Variants in DIAPH2 observed in about 807,000 individuals in gnomAD.
The protein encoded by DIAPH2 is protein diaphanous homolog 2.
Under a neutral mutation model 92.7 loss-of-function variants are expected in DIAPH2, and 35 were observed. That is an observed-to-expected ratio of 0.38 (90% confidence interval 0.29 to 0.50). DIAPH2 has a LOEUF of 0.50. DIAPH2 is among the 20% of genes least tolerant of loss of function. The pLI is 0.94. For missense variants in DIAPH2, 701 were observed against 819.5 expected (o/e 0.86, Z 1.77); for synonymous variants, 301 against 280.4 (o/e 1.07, Z -0.73).
intron 4 of DIAPH2, among the ~76,000 whole-genome samples, chrX:96,836,314 G>A (rs897485915): frequency 5.5e-5 from 6 of 109,461 alleles, no homozygotes; most frequent in African/African-American, 2.0e-4. Context: ...ATAATCTAAT[G>A]ATTTAGAGAA....
At chrX:97,197,400 T>A (rs1439046290) in intron 22 of DIAPH2, among the ~76,000 whole-genome samples, 1 of 112,100 alleles carries the variant, frequency 8.9e-6, no homozygotes, top group East Asian at 2.8e-4. Flanking sequence ...AATTATGTGC[T>A]TACATTTTCT....
intron 21 of DIAPH2, among the ~76,000 whole-genome samples, chrX:97,141,039 A>G (rs889673414): frequency 9.0e-6 from 1 of 111,341 alleles, no homozygotes; most frequent in Non-Finnish European, 1.9e-5. Flanking sequence ...AAAGATTTTT[A>G]CCATTCTAAC....
At chrX:97,285,383 CA>C (rs11336007) in intron 23 of DIAPH2, among the ~76,000 whole-genome samples, 932 of 38,069 alleles carry the variant, frequency 0.024, 9 homozygotes, top group African/African-American at 0.093. Flanking sequence ...ACTAAAAATA[CA>C]AAAAAAAAAA....
At chrX:96,761,878 C>G (rs1032184875) in intron 4 of DIAPH2, among the ~76,000 whole-genome samples, 13 of 111,038 alleles carry the variant, frequency 1.2e-4, no homozygotes, top group African/African-American at 4.2e-4. Context: ...GGCTTTTATT[C>G]AACTAAATAA....
At chrX:97,040,729 G>GTAA (rs971313783) in intron 17 of DIAPH2, among the ~76,000 whole-genome samples, 2 of 109,470 alleles carry the variant, frequency 1.8e-5, no homozygotes, top group Admixed American at 9.8e-5. Context: ...AAAAATAATA[G>GTAA]TAATAATAAT....
chrX:97,262,383 A>T (rs1418349826), intron 23 of DIAPH2, among the ~76,000 whole-genome samples: 1 of 111,837 alleles, frequency 8.9e-6, no homozygotes, highest in Non-Finnish European at 1.9e-5. Context: ...AGGAACAACT[A>T]GTGCAGAGGC....
chrX:97,110,492 C>T (rs886723885), intron 20 of DIAPH2, among the ~76,000 whole-genome samples: 1 of 111,220 alleles, frequency 9.0e-6, no homozygotes, highest in African/African-American at 3.3e-5. Flanking sequence ...GTTAGTAATC[C>T]AAGCTTGAAG....
At chrX:97,444,099 G>A (rs2070285923) in intron 26 of DIAPH2, among the ~76,000 whole-genome samples, 1 of 111,565 alleles carries the variant, frequency 9.0e-6, no homozygotes, top group Admixed American at 9.5e-5. Flanking sequence ...TCAGTTCTAC[G>A]TAATAGTATG....
chrX:97,408,871 A>G (rs1469956038), intron 25 of DIAPH2, among the ~76,000 whole-genome samples: 1 of 112,293 alleles, frequency 8.9e-6, no homozygotes, highest in East Asian at 2.8e-4. Flanking sequence ...GATAAAGACA[A>G]GTAGCCTAAC....
In DIAPH2 at chrX:96,912,517, C is replaced by T. The variant is rs754215989; in HGVS notation, c.697C>T (p.Leu233Phe). ...ENIDKKNQYK[L>F]IQCLKAFMNN... is the part of the protein sequence containing the mutation. ...TATTGACAAGAAGAATCAGTATAAA[C>T]TTATTCAATGCCTCAAAGCATTTAT... The change falls in exon 7 of 27, where the codon CTT (leucine) becomes TTT (phenylalanine). Residue 233 changes from leucine to phenylalanine, a missense_variant. By Grantham distance (22) the Leu-to-Phe change is conservative (BLOSUM62 0). This residue lies in a region of DIAPH2 where 34 missense variants were observed against 74.7 expected (regional missense o/e 0.46). Coordinates refer to ENST00000324765, the MANE Select transcript of DIAPH2 (RefSeq NM_006729.5). 1 of 1,196,326 alleles carries T rather than the reference C, an allele frequency of 8.4e-7. No homozygotes were observed. Among genetic ancestry groups the T allele is most frequent in the African/African-American group, 1.8e-5 (1 of 56,813 alleles).
intron 17 of DIAPH2, among the ~76,000 whole-genome samples, chrX:97,067,368 T>C (rs1315869001): frequency 8.9e-6 from 1 of 112,298 alleles, no homozygotes; most frequent in Non-Finnish European, 1.9e-5. Flanking sequence ...GTGAGATTTA[T>C]TCATATGATT....
At chrX:97,185,329 A>ATATATATATGTATATATATG in intron 22 of DIAPH2, among the ~76,000 whole-genome samples, 1 of 9,404 alleles carries the variant, frequency 1.1e-4, no homozygotes, top group Non-Finnish European at 2.0e-4. Flanking sequence ...ATATATGTGT[A>ATATATATATGTATATATATG]TATATATATA....
At chrX:97,571,040 C>T (rs1388260579) in intron 26 of DIAPH2, among the ~76,000 whole-genome samples, 3 of 111,225 alleles carry the variant, frequency 2.7e-5, no homozygotes, top group East Asian at 5.6e-4. Flanking sequence ...ATATAGTGCA[C>T]GTTCAAAACC....
chrX:97,511,445 C>T (rs1236159896), intron 26 of DIAPH2, among the ~76,000 whole-genome samples: 3 of 105,649 alleles, frequency 2.8e-5, no homozygotes, highest in Admixed American at 1.0e-4. Flanking sequence ...ACAATCATGT[C>T]ATCTGCAAAC....
At chrX:97,153,500 A>G (rs914041712) in intron 22 of DIAPH2, among the ~76,000 whole-genome samples, 100 of 110,468 alleles carry the variant, frequency 9.1e-4, no homozygotes, top group Middle Eastern at 4.6e-3. Context: ...CAGGAGAATC[A>G]CTTGAACCCG....
intron 25 of DIAPH2, among the ~76,000 whole-genome samples, chrX:97,387,059 T>G (rs1254983921): frequency 1.8e-5 from 2 of 111,510 alleles, no homozygotes; most frequent in African/African-American, 3.3e-5. Flanking sequence ...GTTTTGTTTT[T>G]TTGTTTTTGT....
intron 17 of DIAPH2, among the ~76,000 whole-genome samples, chrX:96,999,988 C>A (rs2066132217): frequency 8.9e-6 from 1 of 111,756 alleles, no homozygotes; most frequent in East Asian, 2.8e-4. Flanking sequence ...GATTGTGAGG[C>A]CTCCCCAGCC....
chrX:97,160,719 A>G (rs148639505), intron 22 of DIAPH2, among the ~76,000 whole-genome samples: 3,491 of 111,684 alleles, frequency 0.031, 55 homozygotes, highest in Non-Finnish European at 0.043. Flanking sequence ...CTTGGTCTTA[A>G]GTCTGGTTTT....
At chrX:97,016,302 C>A (rs2066260078) in intron 17 of DIAPH2, among the ~76,000 whole-genome samples, 1 of 111,820 alleles carries the variant, frequency 8.9e-6, no homozygotes, top group Admixed American at 9.5e-5. Flanking sequence ...ACTCACTTAG[C>A]CTATGAGTTT....
Sources: allele counts gnomAD v4.1 joint callset (sites outside exome capture counted in the v4.1 genomes callset), GRCh38; gene constraint gnomAD v4.1.1; regional missense constraint gnomAD v4.1.1; transcripts MANE v1.5; gene names NCBI Gene and HGNC (gene_info 2026-07-23, HGNC 2026-07-21).